KLHL29: variants seen among roughly 807,000 people sequenced by gnomAD.
KLHL29 encodes the protein kelch like family member 29, also known as kelch-like protein 29.
Under a neutral mutation model 80.4 loss-of-function variants are expected in KLHL29, and 21 were observed. The ratio of observed to expected loss-of-function variants is 0.26; its 90% CI spans 0.19 to 0.38. The LOEUF (loss-of-function observed/expected upper bound fraction) is 0.38, where lower values mean the gene tolerates loss of function less well. Ranked by LOEUF, KLHL29 falls within the 10% of genes least tolerant of loss-of-function variation. The pLI is 1.00. For synonymous variants in KLHL29, 511 were observed against 526.8 expected, an observed-to-expected ratio of 0.97 and a Z score of 0.41; for missense variants, 867 against 1,223.9, an observed-to-expected ratio of 0.71 and a Z score of 4.35.
chr2:23,661,984 A>C (rs1670421412), intron 5 of KLHL29, among the ~76,000 whole-genome samples: 1 of 152,230 alleles, frequency 6.6e-6, no homozygotes, highest in African/African-American at 2.4e-5. Flanking sequence ...GATGCTCAGT[A>C]AACACTTTTT....
In KLHL29 at chr2:23,684,679, T is replaced by G; in HGVS notation, c.1079+142T>G. On this transcript the variant is annotated intron_variant, in intron 6 of 13. Transcript: ENST00000486442. This position sits in a 1 kb window ranked among gnomAD's most constrained non-coding sequence, Gnocchi z 4.4. ...TAGCCATCTCTCCTCCTCCTCCTCCTCCTCCTCCCCAGTACCCTCTCACAC... is the reference window on the plus strand; with the variant it reads ...TAGCCATCTCTCCTCCTCCTCCTCCGCCTCCTCCCCAGTACCCTCTCACAC... 1.5e-6 allele frequency: 1 copy of G among 656,566 alleles called. No homozygotes were observed. Among genetic ancestry groups the G allele is most frequent in the Non-Finnish European group, 2.5e-6 (1 of 403,990 alleles). 40.7% of individuals were successfully genotyped at this position (656,566 alleles called of 1,614,324 possible).
At chr2:23,634,231 G>T (rs1669549852) in intron 3 of KLHL29, among the ~76,000 whole-genome samples, 1 of 152,224 alleles carries the variant, frequency 6.6e-6, no homozygotes, top group South Asian at 2.1e-4. Flanking sequence ...ATCGTGGCCT[G>T]CAGGTTCCCA....
At chr2:23,463,906 C>T (rs1030582891) in intron 1 of KLHL29, among the ~76,000 whole-genome samples, 1 of 152,210 alleles carries the variant, frequency 6.6e-6, no homozygotes, top group East Asian at 1.9e-4. Flanking sequence ...GTTTAACAAT[C>T]ACAGTCACTA....
At chr2:23,614,883 C>T (rs1229885747) in intron 3 of KLHL29, among the ~76,000 whole-genome samples, 1 of 152,130 alleles carries the variant, frequency 6.6e-6, no homozygotes, top group Non-Finnish European at 1.5e-5. Flanking sequence ...GGGCTGTAAG[C>T]CCCCAAGAGA....
intron 2 of KLHL29, among the ~76,000 whole-genome samples, chr2:23,498,317 A>G (rs1338700062): frequency 6.6e-6 from 1 of 152,012 alleles, no homozygotes; most frequent in East Asian, 1.9e-4. Context: ...GCCAGTGTAG[A>G]CTCCATTCTG....
intron 1 of KLHL29, among the ~76,000 whole-genome samples, chr2:23,464,046 C>T (rs1281871248): frequency 2.6e-5 from 4 of 152,138 alleles, no homozygotes; most frequent in Admixed American, 1.3e-4. Flanking sequence ...AGTAATGTAG[C>T]GGGTGAAGCC....
At position 23,703,757 on chromosome 2, in the gene KLHL29, G is replaced by C; in HGVS notation, c.2338G>C (p.Val780Leu). ...CCCCGCTGTCACGCTCAATGGCTTCGTTTTCATCCTGGGCGGGGCTTATGC... is the reference window on the plus strand; with the variant it reads ...CCCCGCTGTCACGCTCAATGGCTTCCTTTTCATCCTGGGCGGGGCTTATGC... ...YAPAVTLNGF[V>L]FILGGAYARA... The change falls in exon 13 of 14, where the codon GTT (valine) becomes CTT (leucine). Residue 780 changes from valine (V) to leucine (L), a missense_variant. Coordinates refer to ENST00000486442, the MANE Select transcript of KLHL29 (RefSeq NM_052920.2). The C allele has an allele frequency of 6.5e-7, 1 of 1,537,276 alleles. No homozygotes were observed. The highest frequency in any genetic ancestry group is 8.7e-7 in the Non-Finnish European group (1 of 1,146,884).
intron 3 of KLHL29, among the ~76,000 whole-genome samples, chr2:23,602,220 G>T (rs919367482): frequency 2.0e-5 from 3 of 152,196 alleles, no homozygotes; most frequent in African/African-American, 7.2e-5. Flanking sequence ...GTGCCCGTCG[G>T]CAAGACATGA....
In KLHL29 at chr2:23,669,829, A is replaced by T. The variant is rs959762080; in HGVS notation, c.941-14570A>T. 1.3e-5 allele frequency among the ~76,000 whole-genome samples: 2 copies of T among 152,202 alleles called. No homozygotes were observed. Among genetic ancestry groups the T allele is most frequent in the Admixed American group, 1.3e-4 (2 of 15,282 alleles). ...AGCGCAGGACAGCAACTCTTGGGTA[A>T]CTGTGTCCATTGGATTTGTAAAAAC... On this transcript the variant is annotated intron_variant, in intron 5 of 13. Coordinates refer to ENST00000486442, the MANE Select transcript of KLHL29 (RefSeq NM_052920.2). The surrounding 1 kb of genome is among the most constrained non-coding windows in gnomAD (Gnocchi z 4.3).
Position 23,633,756 on chromosome 2 carries a change from C to CTGTGTGTGTGTGTGTGTGTGTGT in KLHL29, c.286-5383_286-5382insTGTGTGTGTGTGTGTGTGTGTGT, listed in dbSNP as rs35002083. Among the ~76,000 whole-genome samples the CTGTGTGTGTGTGTGTGTGTGTGT allele has an allele frequency of 2.5e-3, 365 of 147,224 alleles. 2 individuals carry two copies. The highest frequency in any genetic ancestry group is 6.8e-3 in the Middle Eastern group (2 of 294). Reference sequence around the variant, plus strand: ...TCTCTGTCAAAAGAGTCACAGCACTCGTGTGTGTGTGTGTGTGTGTGTGTG... The same window carrying CTGTGTGTGTGTGTGTGTGTGTGT: ...TCTCTGTCAAAAGAGTCACAGCACTCTGTGTGTGTGTGTGTGTGTGTGTGTGTGTGTGTGTGTGTGTGTGTGTG... On this transcript the variant is annotated intron_variant, in intron 3 of 13. Coordinates refer to ENST00000486442, the MANE Select transcript of KLHL29 (RefSeq NM_052920.2).
chr2:23,477,016 G>A (rs1228022421), intron 2 of KLHL29, among the ~76,000 whole-genome samples: 3 of 152,294 alleles, frequency 2.0e-5, no homozygotes, highest in Non-Finnish European at 4.4e-5. Context: ...CTGGAGGGCA[G>A]AGGAGTGGGC....
At position 23,562,282 on chromosome 2, in the gene KLHL29, C is replaced by A. The variant is rs1450489704; in HGVS notation, c.86C>A (p.Thr29Asn). 2 of 1,548,114 alleles carry A rather than the reference C, an allele frequency of 1.3e-6. No homozygotes were observed. Among genetic ancestry groups the A allele is most frequent in the African/African-American group, 1.4e-5 (1 of 72,996 alleles). The stretch of plus-strand genomic sequence containing the variant: ...TGGAGCGTCAACGGGACGCATGGGA[C>A]CACCAGCATCTGCAGTGTCACCTCG... ...REWSVNGTHG[T>N]TSICSVTSGA... The change falls in exon 3 of 14, where the codon ACC (threonine) becomes AAC (asparagine). Residue 29 changes from threonine to asparagine, a missense_variant. By Grantham distance (65) the Thr-to-Asn change is moderately conservative (BLOSUM62 0). This residue lies in a region of KLHL29 where 424 missense variants were observed against 456.9 expected (regional missense o/e 0.93). Coordinates refer to ENST00000486442, the MANE Select transcript of KLHL29 (RefSeq NM_052920.2). The surrounding 1 kb of genome is among the most constrained non-coding windows in gnomAD (Gnocchi z 4.5).
rs1668336366 is a variant in KLHL29, at chr2:23,594,125, G to A, written c.285+31644G>A. Among the ~76,000 whole-genome samples, 3 of 152,296 alleles carry A rather than the reference G, an allele frequency of 2.0e-5. No individual in the cohort carries two copies. The South Asian group carries it at 6.2e-4, about 32-fold the overall frequency. ...GAGGGGATTTAATGACAGGGGTGTC[G>A]AGGAGTTGATTATACAGCAGAGGTG... On this transcript the variant is annotated intron_variant, in intron 3 of 13. Transcript: ENST00000486442.
chr2:23,693,387 C>A lies in KLHL29; in HGVS notation c.1401C>A (p.Ala467=), dbSNP rs774746015. The change falls in exon 8 of 14, where the codon GCC becomes GCA. Residue 467 remains alanine, a synonymous_variant. Transcript: ENST00000486442. ...CGCTGCAGATCTTCCCCGAGGTGGC[C>A]GCCCAGGAGGAGATCCTCAGCATCT... The part of the protein sequence containing the change: ...AFALQIFPEV[A]AQEEILSISK... 2.6e-6 allele frequency: 4 copies of A among 1,551,698 alleles called. No individual in the cohort carries two copies. The Admixed American group carries it at 7.8e-5, about 30-fold the overall frequency.
chr2:23,628,818 T>C (rs1482770092), intron 3 of KLHL29, among the ~76,000 whole-genome samples: 1 of 151,748 alleles, frequency 6.6e-6, no homozygotes, highest in Non-Finnish European at 1.5e-5. Flanking sequence ...AATCTGAAAA[T>C]AACAAAGGCT....
chr2:23,443,666 G>A (rs1056277332), intron 1 of KLHL29, among the ~76,000 whole-genome samples: 11 of 152,198 alleles, frequency 7.2e-5, no homozygotes, highest in African/African-American at 2.7e-4. Context: ...CTAGATGCAG[G>A]TTATGCACTT....
chr2:23,634,992 G>C (rs560344446), intron 3 of KLHL29, among the ~76,000 whole-genome samples: 19 of 152,356 alleles, frequency 1.2e-4, no homozygotes, highest in African/African-American at 4.6e-4. Flanking sequence ...GGCCCTGGGG[G>C]CAGTGCATTA....
chr2:23,499,017 C>A (rs1653758), intron 2 of KLHL29, among the ~76,000 whole-genome samples: 1 of 152,042 alleles, frequency 6.6e-6, no homozygotes, highest in Non-Finnish European at 1.5e-5. Context: ...CTTTCGTGGC[C>A]ATAAGAATTG....
At chr2:23,610,331 A>G (rs1214724431) in intron 3 of KLHL29, among the ~76,000 whole-genome samples, 1 of 152,180 alleles carries the variant, frequency 6.6e-6, no homozygotes, top group Admixed American at 6.5e-5. Flanking sequence ...TTGATTTCCC[A>G]GCTCCCTATC....
Sources: gnomAD v4.1 joint callset for allele counts (sites outside exome capture counted in the v4.1 genomes callset) on GRCh38, gnomAD v4.1.1 for gene constraint, gnomAD v4.1.1 regional missense constraint, Gnocchi (gnomAD v3.1) non-coding constraint, MANE v1.5 for transcripts, NCBI Gene and HGNC (gene_info 2026-07-23, HGNC 2026-07-21) for gene names.